CDH12: variants seen among roughly 807,000 people sequenced by gnomAD.
The protein encoded by CDH12 is cadherin 12.
Under a neutral mutation model 74.1 loss-of-function variants are expected in CDH12, and 41 were observed. The observed-to-expected ratio is 0.55, with a 90% confidence interval of 0.43 to 0.72. The LOEUF is 0.72. CDH12 is among the 30% of genes least tolerant of loss of function. The pLI, the probability that CDH12 is intolerant of heterozygous loss-of-function variation, is 0.00. For synonymous variants in CDH12, 399 were observed against 355.0 expected (o/e 1.12, Z -1.39); for missense variants, 945 against 977.2 (o/e 0.97, Z 0.44).
chr5:21,847,489 AT>A (rs1182171796), intron 7 of CDH12, among the ~76,000 whole-genome samples: 1 of 152,064 alleles, frequency 6.6e-6, no homozygotes, highest in African/African-American at 2.4e-5. Flanking sequence ...AATGCTGTTC[AT>A]CCAGACAATG....
At chr5:22,074,463 G>T (rs990127668) in intron 5 of CDH12, among the ~76,000 whole-genome samples, 43 of 152,104 alleles carry the variant, frequency 2.8e-4, no homozygotes, top group African/African-American at 9.4e-4. Flanking sequence ...ATTGACAAAA[G>T]GGATCTAGTT....
At chr5:22,422,009 T>C (rs1382499066) in intron 2 of CDH12, among the ~76,000 whole-genome samples, 1 of 152,226 alleles carries the variant, frequency 6.6e-6, no homozygotes, top group East Asian at 1.9e-4. Flanking sequence ...TCTGTTTACA[T>C]CCTTTGCCCA....
chr5:21,942,347 T>TACACACACACACAC (rs70957081), intron 6 of CDH12, among the ~76,000 whole-genome samples: 3 of 129,668 alleles, frequency 2.3e-5, no homozygotes, highest in African/African-American at 9.6e-5. Flanking sequence ...TATATATATA[T>TACACACACACACAC]ACACACACAC....
At chr5:21,939,890 T>C (rs889162154) in intron 6 of CDH12, among the ~76,000 whole-genome samples, 4 of 152,140 alleles carry the variant, frequency 2.6e-5, no homozygotes, top group African/African-American at 7.2e-5. Context: ...ATTCAAAAAG[T>C]GGTTTTTTGT....
intron 1 of CDH12, among the ~76,000 whole-genome samples, chr5:22,607,262 A>G (rs1203676009): frequency 6.6e-6 from 1 of 152,246 alleles, no homozygotes; most frequent in Non-Finnish European, 1.5e-5. Context: ...ACAATGAGGA[A>G]TATGTCTCTA....
At chr5:22,213,546 C>T (rs1168299927) in intron 3 of CDH12, 9 of 152,106 alleles carry the variant, frequency 5.9e-5, no homozygotes, top group East Asian at 1.9e-4. Context: ...AGCTATGTGC[C>T]GTTACCAACC....
chr5:22,405,439 G>C, intron 2 of CDH12, 88 bp from the exon 3 acceptor site: 1 of 196,696 alleles, frequency 5.1e-6, no homozygotes, highest in Non-Finnish European at 9.2e-6. Context: ...CAGAATATTT[G>C]GTTGACACAT....
chr5:21,988,158 G>A (rs541007090), intron 5 of CDH12, among the ~76,000 whole-genome samples: 28 of 152,124 alleles, frequency 1.8e-4, no homozygotes, highest in African/African-American at 6.5e-4. Context: ...ACTACAACAG[G>A]TTACTTTGGT....
At chr5:22,824,587 T>A (rs566486680) in intron 1 of CDH12, among the ~76,000 whole-genome samples, 9 of 152,192 alleles carry the variant, frequency 5.9e-5, no homozygotes, top group African/African-American at 1.9e-4. Context: ...ATGTGCATGA[T>A]AAATTACCAA....
rs369050102 is a variant in CDH12, at chr5:22,079,094, C to G, written c.-186-232G>C. On this transcript the variant is annotated intron_variant, in intron 4 of 14. Transcript: ENST00000382254. Reference sequence around the variant, plus strand: ...AATGAAGCAAAAGGTGCATTATAAACAGAAATGATATTTTCAAAAAATTGG... The same window carrying G: ...AATGAAGCAAAAGGTGCATTATAAAGAGAAATGATATTTTCAAAAAATTGG... Among the ~76,000 whole-genome samples the G allele has an allele frequency of 2.6e-5, 4 of 152,224 alleles. No individual in the cohort carries two copies. The East Asian group carries it at 5.8e-4, about 22-fold the overall frequency.
At chr5:22,040,362 A>G (rs1046408129) in intron 5 of CDH12, among the ~76,000 whole-genome samples, 20 of 152,148 alleles carry the variant, frequency 1.3e-4, no homozygotes, top group African/African-American at 4.8e-4. Flanking sequence ...GAGAAGTTGA[A>G]GAGGCCAAGA....
chr5:22,812,834 T>G (rs970514995), intron 1 of CDH12, among the ~76,000 whole-genome samples: 13 of 152,032 alleles, frequency 8.6e-5, no homozygotes, highest in Non-Finnish European at 1.6e-4. Flanking sequence ...AGTCAAAAAA[T>G]GATCTGTGAC....
At chr5:21,890,536 A>G (rs908526284) in intron 6 of CDH12, among the ~76,000 whole-genome samples, 1 of 152,130 alleles carries the variant, frequency 6.6e-6, no homozygotes, top group Admixed American at 6.6e-5. Context: ...TGATTTCACT[A>G]TTCCACCTTC....
At chr5:22,447,781 C>A (rs1012173608) in intron 2 of CDH12, among the ~76,000 whole-genome samples, 1 of 151,806 alleles carries the variant, frequency 6.6e-6, no homozygotes, top group South Asian at 2.1e-4. Flanking sequence ...AGCAACACAA[C>A]CACAACATAT....
At chr5:22,478,133 A>G (rs991911285) in intron 2 of CDH12, among the ~76,000 whole-genome samples, 2 of 152,070 alleles carry the variant, frequency 1.3e-5, no homozygotes, top group Non-Finnish European at 2.9e-5. Flanking sequence ...AATATTGAAA[A>G]ATAGGCCAGG....
In CDH12 at chr5:22,316,245, T is replaced by C. The variant is rs1205521190; in HGVS notation, c.-333+89012A>G. Reference sequence around the variant, plus strand: ...CTAAGAGTTTTTTTTTTTTTGGTTTTGTATTATGCTATTAAATAGCTCATA... The same window carrying C: ...CTAAGAGTTTTTTTTTTTTTGGTTTCGTATTATGCTATTAAATAGCTCATA... On this transcript the variant is annotated intron_variant, in intron 3 of 14. Coordinates refer to ENST00000382254, the MANE Select transcript of CDH12 (RefSeq NM_004061.5). Among the ~76,000 whole-genome samples the C allele has an allele frequency of 2.6e-5, 4 of 152,168 alleles. No individual in the cohort carries two copies. The East Asian group carries it at 5.8e-4, about 22-fold the overall frequency.
At chr5:22,576,642 T>C (rs944178090) in intron 1 of CDH12, among the ~76,000 whole-genome samples, 1 of 152,044 alleles carries the variant, frequency 6.6e-6, no homozygotes, top group East Asian at 1.9e-4. Context: ...GAAGGCCACA[T>C]AGCCAAGAAA....
intron 2 of CDH12, among the ~76,000 whole-genome samples, chr5:22,467,678 A>G (rs1298091589): frequency 1.3e-5 from 2 of 152,218 alleles, no homozygotes; most frequent in Non-Finnish European, 2.9e-5. Flanking sequence ...GAAATAAAAC[A>G]ATGGATATAA....
intron 6 of CDH12, among the ~76,000 whole-genome samples, chr5:21,891,960 T>G (rs1345901546): frequency 6.6e-6 from 1 of 152,084 alleles, no homozygotes; most frequent in Non-Finnish European, 1.5e-5. Context: ...TGGCTACCAA[T>G]TTGAGTTCTC....
Sources: allele counts gnomAD v4.1 joint callset (sites outside exome capture counted in the v4.1 genomes callset), GRCh38; gene constraint gnomAD v4.1.1; transcripts MANE v1.5; gene names NCBI Gene and HGNC (gene_info 2026-07-23, HGNC 2026-07-21).